ATP2B2: variants seen among roughly 807,000 people sequenced by gnomAD.
The protein encoded by ATP2B2 is plasma membrane calcium-transporting ATPase 2.
ATP2B2 carries 15 observed loss-of-function variants against 120.0 expected under a neutral mutation model. That is an observed-to-expected ratio of 0.12 (90% CI 0.08 to 0.19). The LOEUF (loss-of-function observed/expected upper bound fraction) is 0.19, where lower values mean the gene tolerates loss of function less well. Among genes scored for constraint, ATP2B2 ranks in the 10% least tolerant of loss-of-function variants. The pLI is 1.00. For missense variants in ATP2B2, 1,045 were observed against 1,719.8 expected (o/e 0.61, Z 6.94); for synonymous variants, 694 against 700.3 (o/e 0.99, Z 0.14).
Position 10,568,450 on chromosome 3 carries a change from C to A in ATP2B2, c.-414-34317G>T, listed in dbSNP as rs1346065095. Among the ~76,000 whole-genome samples, 3 of 152,164 alleles carry A rather than the reference C, an allele frequency of 2.0e-5. No individual in the cohort carries two copies. The East Asian group carries it at 5.8e-4, about 29-fold the overall frequency. ...TTGATGTTCAGAGAAAGAAAAATCT[C>A]CTGAACATGAGGCCCAGCAGAGAAA... On this transcript the variant is annotated intron_variant, in intron 2 of 21. Coordinates refer to the ATP2B2 transcript ENST00000646379.
At chr3:10,446,313 T>C (rs2063835300) in intron 2 of ATP2B2, among the ~76,000 whole-genome samples, 1 of 152,248 alleles carries the variant, frequency 6.6e-6, no homozygotes, top group African/African-American at 2.4e-5. Context: ...AGCACTTCGA[T>C]GCTGGGCACT....
Position 10,326,407 on chromosome 3 carries a change from C to T in ATP2B2, c.*2407G>A, listed in dbSNP as rs887839928. ...CTAAGCCAGGCTCCACTGAGAACCC[C>T]TCCTGGCTCCGAATGAACATGGAGC... On this transcript the variant is annotated 3_prime_UTR_variant, in exon 23 of 23. Transcript: ENST00000360273. 7.2e-6 allele frequency: 2 copies of T among 276,090 alleles called. No homozygotes were observed. Among genetic ancestry groups the T allele is most frequent in the African/African-American group, 4.3e-5 (2 of 46,036 alleles). The allele number at this position is 276,090 out of a possible 1,614,324, so 17.1% of individuals were successfully genotyped here. A position where few individuals can be genotyped will look rare whatever the true frequency, so the allele number is the denominator to read the frequency against.
intron 1 of ATP2B2, among the ~76,000 whole-genome samples, chr3:10,697,248 C>T (rs938740285): frequency 6.6e-6 from 1 of 152,192 alleles, no homozygotes; most frequent in Non-Finnish European, 1.5e-5. Context: ...CCACCACCTG[C>T]TGGTCTCATG....
intron 22 of ATP2B2, among the ~76,000 whole-genome samples, chr3:10,331,181 T>C (rs565825031): frequency 1.3e-5 from 2 of 152,214 alleles, no homozygotes; most frequent in Non-Finnish European, 2.9e-5. Flanking sequence ...TCATGGCCAC[T>C]GTGGCTGCTC....
intron 16 of ATP2B2, among the ~76,000 whole-genome samples, chr3:10,348,643 A>G (rs79498311): frequency 2.3e-3 from 346 of 152,302 alleles, no homozygotes; most frequent in Non-Finnish European, 4.3e-3. Context: ...CACAGGCCCT[A>G]CCAACCCTGG....
chr3:10,619,742 A>G (rs2069494906), intron 2 of ATP2B2, among the ~76,000 whole-genome samples: 1 of 152,162 alleles, frequency 6.6e-6, no homozygotes, highest in African/African-American at 2.4e-5. Context: ...AGTTTTGGGA[A>G]GTGGGCTAGG....
chr3:10,686,921 C>T (rs1443348667), intron 1 of ATP2B2, among the ~76,000 whole-genome samples: 1 of 152,160 alleles, frequency 6.6e-6, no homozygotes, highest in Non-Finnish European at 1.5e-5. Flanking sequence ...CCTAATATGT[C>T]CATTTTACAA....
At chr3:10,695,031 A>G (rs532436211) in intron 1 of ATP2B2, among the ~76,000 whole-genome samples, 528 of 152,128 alleles carry the variant, frequency 3.5e-3, no homozygotes, top group Non-Finnish European at 5.2e-3. Flanking sequence ...TGACCCTGTG[A>G]CTTGCTTTGG....
At chr3:10,695,888 T>C (rs556467502) in intron 1 of ATP2B2, among the ~76,000 whole-genome samples, 2 of 152,320 alleles carry the variant, frequency 1.3e-5, no homozygotes, top group East Asian at 3.9e-4. Flanking sequence ...CTGAACATGG[T>C]GACATTCCCA....
At chr3:10,418,857 T>C (rs1260742402) in intron 2 of ATP2B2, among the ~76,000 whole-genome samples, 1 of 152,070 alleles carries the variant, frequency 6.6e-6, no homozygotes, top group African/African-American at 2.4e-5. Flanking sequence ...GCCACCGGGG[T>C]AGCAGTGAGG....
chr3:10,364,000 T>C (rs1204928557), intron 12 of ATP2B2, among the ~76,000 whole-genome samples: 1 of 152,198 alleles, frequency 6.6e-6, no homozygotes, highest in Non-Finnish European at 1.5e-5. Context: ...AACAGATGAA[T>C]GGATAAACAA....
At chr3:10,486,090 C>T (rs1380012964) in intron 1 of ATP2B2, among the ~76,000 whole-genome samples, 3 of 152,136 alleles carry the variant, frequency 2.0e-5, no homozygotes, top group Non-Finnish European at 4.4e-5. Context: ...GCCAGGTCAG[C>T]ATGCTTCCAT....
At chr3:10,334,132 G>C (rs1490298470) in intron 22 of ATP2B2, among the ~76,000 whole-genome samples, 1 of 152,212 alleles carries the variant, frequency 6.6e-6, no homozygotes, top group African/African-American at 2.4e-5. Flanking sequence ...GGGCTGACTC[G>C]GGGACGACTT....
chr3:10,519,332 C>T (rs9879515), intron 3 of ATP2B2, among the ~76,000 whole-genome samples: 12,284 of 152,148 alleles, frequency 0.081, 1,081 homozygotes, highest in African/African-American at 0.22. Context: ...GTGGCCGAGG[C>T]GGGAGTGAAT....
At chr3:10,576,485 A>G (rs1431030476) in intron 2 of ATP2B2, among the ~76,000 whole-genome samples, 8 of 152,052 alleles carry the variant, frequency 5.3e-5, no homozygotes, top group Non-Finnish European at 1.0e-4. Flanking sequence ...GGCTCAATCA[A>G]TCCTCCCACC....
At chr3:10,339,601 G>T (rs890523954) in intron 21 of ATP2B2, among the ~76,000 whole-genome samples, 2 of 152,192 alleles carry the variant, frequency 1.3e-5, no homozygotes, top group Non-Finnish European at 2.9e-5. Context: ...GACAAAGCTG[G>T]AAGGGCCCCT....
chr3:10,634,180 A>G (rs1256686898), intron 1 of ATP2B2, among the ~76,000 whole-genome samples: 1 of 152,212 alleles, frequency 6.6e-6, no homozygotes, highest in Non-Finnish European at 1.5e-5. Context: ...GGAACCTCCC[A>G]CTACCAGGTG....
chr3:10,529,497 A>G (rs556416425), intron 3 of ATP2B2, among the ~76,000 whole-genome samples: 53 of 152,360 alleles, frequency 3.5e-4, no homozygotes, highest in African/African-American at 1.0e-3. Context: ...TAAGATGCCA[A>G]TGGGCATCTC....
At chr3:10,372,647 TA>T (rs1213788248) in intron 11 of ATP2B2, among the ~76,000 whole-genome samples, 1 of 152,116 alleles carries the variant, frequency 6.6e-6, no homozygotes, top group African/African-American at 2.4e-5. Flanking sequence ...CACATTTCTT[TA>T]AAAAAATACA....
Sources: gnomAD v4.1 joint callset for allele counts (sites outside exome capture counted in the v4.1 genomes callset) on GRCh38, gnomAD v4.1.1 for gene constraint, MANE v1.5 for transcripts, NCBI Gene and HGNC (gene_info 2026-07-23, HGNC 2026-07-21) for gene names.